Variants in PRKN observed in about 807,000 individuals in gnomAD.
PRKN encodes the protein E3 ubiquitin-protein ligase parkin.
Under a neutral mutation model 59.5 loss-of-function variants are expected in PRKN, and 56 were observed. The observed-to-expected ratio is 0.94, with a 90% CI of 0.76 to 1.18. PRKN has a LOEUF of 1.18. PRKN is among the 50% of genes most tolerant of loss of function. PRKN has a pLI of 0.00. For synonymous variants in PRKN, 250 were observed against 222.1 expected (o/e 1.13, Z -1.12); for missense variants, 657 against 596.4 (o/e 1.10, Z -1.06).
intron 9 of PRKN, among the ~76,000 whole-genome samples, chr6:161,415,492 G>A (rs1297579219): frequency 6.6e-6 from 1 of 151,666 alleles, no homozygotes; most frequent in Non-Finnish European, 1.5e-5. Flanking sequence ...AGATAATCCT[G>A]CGGCAGAGTG....
At chr6:161,985,463 C>T (rs569664617) in intron 5 of PRKN, among the ~76,000 whole-genome samples, 4 of 152,254 alleles carry the variant, frequency 2.6e-5, no homozygotes, top group South Asian at 2.1e-4. Flanking sequence ...GACATATAAA[C>T]GAACATGTGT....
At chr6:162,028,565 T>C (rs1023875343) in intron 5 of PRKN, among the ~76,000 whole-genome samples, 6 of 152,230 alleles carry the variant, frequency 3.9e-5, no homozygotes, top group East Asian at 3.9e-4. Flanking sequence ...AGGCAAGAGA[T>C]GGAAGAAGCT....
rs1442786183 is a variant in PRKN, at chr6:161,546,774, A to C, written c.1083+2080T>G. On this transcript the variant is annotated intron_variant, in intron 9 of 11. Coordinates refer to ENST00000366898, the MANE Select transcript of PRKN (RefSeq NM_004562.3). This position sits in a 1 kb window ranked among gnomAD's most constrained non-coding sequence, Gnocchi z 4.4. The stretch of plus-strand genomic sequence containing the variant: ...TGCAGCTTTGGGGATTTGGTCCTAC[A>C]AGGCACTGTAGCTTCTCTCTGTTCT... Among the ~76,000 whole-genome samples, 2 of 152,068 alleles carry C rather than the reference A, an allele frequency of 1.3e-5. No homozygotes were observed. Among genetic ancestry groups the C allele is most frequent in the East Asian group, 1.9e-4 (1 of 5,182 alleles).
intron 10 of PRKN, among the ~76,000 whole-genome samples, chr6:161,380,132 A>G (rs901254778): frequency 2.6e-5 from 4 of 152,082 alleles, no homozygotes; most frequent in Admixed American, 2.6e-4. Context: ...CGTGTCATTC[A>G]TGCTCATCTC....
At chr6:162,042,138 A>T (rs190336297) in intron 5 of PRKN, among the ~76,000 whole-genome samples, 74 of 152,194 alleles carry the variant, frequency 4.9e-4, no homozygotes, top group Admixed American at 3.9e-3. Context: ...TTTGAATGAA[A>T]TAAATTCATT....
intron 2 of PRKN, among the ~76,000 whole-genome samples, chr6:162,297,174 C>CTTTTT (rs10681721): frequency 1.0e-4 from 14 of 139,330 alleles, no homozygotes; most frequent in East Asian, 4.2e-4. Context: ...TTTTTCTTTT[C>CTTTTT]TTTTTTTTTT....
chr6:162,655,120 T>C (rs181426091), intron 1 of PRKN, among the ~76,000 whole-genome samples: 385 of 152,230 alleles, frequency 2.5e-3, no homozygotes, highest in Middle Eastern at 6.8e-3. Flanking sequence ...AAAATAAAAA[T>C]ATACATAATT....
intron 1 of PRKN, among the ~76,000 whole-genome samples, chr6:162,501,842 C>T (rs1478067510): frequency 2.0e-5 from 3 of 152,096 alleles, no homozygotes; most frequent in South Asian, 2.1e-4. Context: ...AATGACAGCT[C>T]GCACCAAGTA....
rs918967121 is a variant in PRKN, at chr6:161,499,646, C to T, written c.1083+49208G>A. Among the ~76,000 whole-genome samples the T allele has an allele frequency of 5.9e-5, 9 of 152,138 alleles. No homozygotes were observed. The highest frequency in any genetic ancestry group is 1.9e-4 in the African/African-American group (8 of 41,416). ...GCAGATTGCAGGTTTCATTTCAGAC[C>T]TACTGGATTCGAGGTGGTGGTGGTT... On this transcript the variant is annotated intron_variant, in intron 9 of 11. Coordinates refer to ENST00000366898, the MANE Select transcript of PRKN (RefSeq NM_004562.3). The surrounding 1 kb of genome is among the most constrained non-coding windows in gnomAD (Gnocchi z 4.2).
chr6:162,017,387 C>G (rs1421284816), intron 5 of PRKN, among the ~76,000 whole-genome samples: 1 of 152,050 alleles, frequency 6.6e-6, no homozygotes, highest in Non-Finnish European at 1.5e-5. Flanking sequence ...TAAATGGGAT[C>G]CAATATGTGT....
chr6:162,673,852 C>T (rs1406760203), intron 1 of PRKN, among the ~76,000 whole-genome samples: 1 of 152,160 alleles, frequency 6.6e-6, no homozygotes, highest in Non-Finnish European at 1.5e-5. Context: ...GCAAGTGTGG[C>T]GGAAGGCGGC....
intron 1 of PRKN, among the ~76,000 whole-genome samples, chr6:162,509,613 G>A (rs1351896831): frequency 1.3e-5 from 2 of 152,058 alleles, no homozygotes; most frequent in Admixed American, 1.3e-4. Context: ...GTTTGAAAGT[G>A]ACAATAGTCA....
intron 7 of PRKN, among the ~76,000 whole-genome samples, chr6:161,739,534 C>G: frequency 6.6e-6 from 1 of 152,276 alleles, no homozygotes; most frequent in Non-Finnish European, 1.5e-5. Context: ...TTCATACTTA[C>G]GTGTATAATC....
chr6:162,333,893 A>C (rs115861831), intron 2 of PRKN, among the ~76,000 whole-genome samples: 2,827 of 152,300 alleles, frequency 0.019, 99 homozygotes, highest in African/African-American at 0.065. Context: ...AAGGCAATGA[A>C]AAGTGCTACT....
intron 1 of PRKN, among the ~76,000 whole-genome samples, chr6:162,635,320 C>A (rs1777669064): frequency 6.6e-6 from 1 of 152,212 alleles, no homozygotes; most frequent in Non-Finnish European, 1.5e-5. Flanking sequence ...TCCCCTCTTT[C>A]TCATTCTGGG....
chr6:161,746,511 AC>A (rs1377693072), intron 7 of PRKN, among the ~76,000 whole-genome samples: 1 of 150,352 alleles, frequency 6.7e-6, no homozygotes, highest in Non-Finnish European at 1.5e-5. Flanking sequence ...AACCCAGAAA[AC>A]AAAAAAAGCT....
intron 7 of PRKN, among the ~76,000 whole-genome samples, chr6:161,755,564 G>C (rs959950207): frequency 1.3e-5 from 2 of 151,896 alleles, no homozygotes; most frequent in East Asian, 3.9e-4. Flanking sequence ...GGAAAAACAT[G>C]TACTTAAAAC....
chr6:161,927,392 G>A (rs576263853), intron 6 of PRKN, among the ~76,000 whole-genome samples: 1 of 152,260 alleles, frequency 6.6e-6, no homozygotes, highest in East Asian at 1.9e-4. Flanking sequence ...AAGGGGTAAA[G>A]AGGAATACAA....
At chr6:162,660,163 G>A (rs1367966185) in intron 1 of PRKN, among the ~76,000 whole-genome samples, 1 of 152,134 alleles carries the variant, frequency 6.6e-6, no homozygotes, top group African/African-American at 2.4e-5. Flanking sequence ...TATTTTAAAT[G>A]TATAGTATAA....
Sources: allele counts gnomAD v4.1 joint callset (sites outside exome capture counted in the v4.1 genomes callset), GRCh38; gene constraint gnomAD v4.1.1; non-coding constraint Gnocchi (gnomAD v3.1); transcripts MANE v1.5; gene names NCBI Gene and HGNC (gene_info 2026-07-23, HGNC 2026-07-21).